Variants in ZNRF1 observed in about 807,000 individuals in gnomAD.
ZNRF1 encodes the protein zinc and ring finger 1.
ZNRF1 carries 3 observed loss-of-function variants against 18.4 expected under a neutral mutation model. That is an observed-to-expected ratio of 0.16 (90% CI 0.07 to 0.42). The LOEUF (loss-of-function observed/expected upper bound fraction) is 0.42, where lower values mean the gene tolerates loss of function less well. Ranked by LOEUF, ZNRF1 falls within the 10% of genes least tolerant of loss-of-function variation. The pLI is 0.99. For synonymous variants in ZNRF1, 157 were observed against 144.2 expected (o/e 1.09, Z -0.64); for missense variants, 310 against 329.8 (o/e 0.94, Z 0.47).
intron 1 of ZNRF1, among the ~76,000 whole-genome samples, chr16:75,088,883 G>A (rs2036104771): frequency 6.6e-6 from 1 of 152,186 alleles, no homozygotes; most frequent in Non-Finnish European, 1.5e-5. Flanking sequence ...AAGAGAGACT[G>A]TTGGTTTCCA....
chr16:75,080,662 A>G (rs2035998979), intron 1 of ZNRF1, among the ~76,000 whole-genome samples: 1 of 151,312 alleles, frequency 6.6e-6, no homozygotes, highest in Non-Finnish European at 1.5e-5. Context: ...CCCCACACAC[A>G]CTCCATAAAA....
intron 2 of ZNRF1, among the ~76,000 whole-genome samples, chr16:75,094,245 A>T (rs1399909032): frequency 1.3e-5 from 2 of 152,108 alleles, no homozygotes; most frequent in African/African-American, 4.8e-5. Context: ...GAAAATGCGG[A>T]TAGGACACCT....
intron 1 of ZNRF1, among the ~76,000 whole-genome samples, chr16:75,031,508 GTTTGT>G (rs1335796964): frequency 6.6e-6 from 1 of 151,660 alleles, no homozygotes; most frequent in Non-Finnish European, 1.5e-5. Context: ...TTGTTTGTTT[GTTTGT>G]TTTGTTTGTT....
chr16:75,026,488 A>T (rs2035225916), intron 1 of ZNRF1, among the ~76,000 whole-genome samples: 1 of 152,184 alleles, frequency 6.6e-6, no homozygotes. Context: ...TAGGAAAAGT[A>T]CTTGGAAAAA....
At chr16:75,096,062 G>A (rs1395164273) in intron 2 of ZNRF1, among the ~76,000 whole-genome samples, 3 of 60,216 alleles carry the variant, frequency 5.0e-5, no homozygotes, top group East Asian at 3.5e-4. Flanking sequence ...ATGTGTGCAC[G>A]TGTGTGTGTG....
At chr16:75,072,146 G>A (rs1457649879) in intron 1 of ZNRF1, among the ~76,000 whole-genome samples, 1 of 151,616 alleles carries the variant, frequency 6.6e-6, no homozygotes, top group Non-Finnish European at 1.5e-5. Context: ...TATGCAGTCA[G>A]ATTTTTTGTA....
At chr16:75,063,167 AACGT>A (rs1300699084) in intron 1 of ZNRF1, among the ~76,000 whole-genome samples, 1 of 152,164 alleles carries the variant, frequency 6.6e-6, no homozygotes, top group African/African-American at 2.4e-5. Flanking sequence ...CCTGGATGAG[AACGT>A]ACCTGTTGTC....
intron 1 of ZNRF1, among the ~76,000 whole-genome samples, chr16:75,086,237 C>T (rs1474080357): frequency 6.6e-6 from 1 of 152,100 alleles, no homozygotes; most frequent in Admixed American, 6.5e-5. Flanking sequence ...AATCTGGGCA[C>T]CCCATGGCCC....
At chr16:75,065,128 C>T (rs1233613868) in intron 1 of ZNRF1, among the ~76,000 whole-genome samples, 1 of 152,232 alleles carries the variant, frequency 6.6e-6, no homozygotes, top group Non-Finnish European at 1.5e-5. Context: ...AATCCCATTG[C>T]CTTGGCAATT....
intron 1 of ZNRF1, among the ~76,000 whole-genome samples, chr16:75,041,487 A>C (rs1013395397): frequency 3.3e-5 from 5 of 151,712 alleles, no homozygotes; most frequent in African/African-American, 1.2e-4. Flanking sequence ...ATGCCGCCAT[A>C]TCCGGCTAAT....
At chr16:75,001,075 A>T (rs755148881) in intron 1 of ZNRF1, among the ~76,000 whole-genome samples, 7 of 152,080 alleles carry the variant, frequency 4.6e-5, no homozygotes, top group Non-Finnish European at 7.4e-5. Context: ...GCCAAAAGGG[A>T]TGTGGGGGCC....
intron 1 of ZNRF1, among the ~76,000 whole-genome samples, chr16:75,010,711 G>GTTTTT (rs67210395): frequency 0.064 from 4,706 of 73,624 alleles, 440 homozygotes; most frequent in Middle Eastern, 0.16. Context: ...GTTTTTTTTT[G>GTTTTT]TTTTTTTGTT....
At chr16:75,021,014 T>TCGGTATTACAATTCTAC (rs1268662352) in intron 1 of ZNRF1, among the ~76,000 whole-genome samples, 4 of 152,208 alleles carry the variant, frequency 2.6e-5, no homozygotes. Context: ...TTGCTGTGGA[T>TCGGTATTACAATTCTAC]CGGTATTACA....
At chr16:75,102,872 C>T (rs968337440) in intron 2 of ZNRF1, among the ~76,000 whole-genome samples, 5 of 152,226 alleles carry the variant, frequency 3.3e-5, no homozygotes, top group East Asian at 3.8e-4. Context: ...TGCCCTCATC[C>T]GCACACGCAG....
intron 2 of ZNRF1, chr16:75,095,232 G>A (rs548656837): frequency 6.1e-6 from 1 of 162,814 alleles, no homozygotes; most frequent in African/African-American, 2.4e-5. Context: ...GGACCCGCAC[G>A]GCCCTCCCCT....
intron 1 of ZNRF1, among the ~76,000 whole-genome samples, chr16:75,010,739 T>C (rs2034989752): frequency 8.6e-6 from 1 of 116,446 alleles, no homozygotes; most frequent in Admixed American, 1.0e-4. Flanking sequence ...TTTTGAGGAG[T>C]CTCGCTCTGT....
intron 1 of ZNRF1, among the ~76,000 whole-genome samples, chr16:75,037,086 G>A (rs1280589412): frequency 6.6e-6 from 1 of 152,038 alleles, no homozygotes; most frequent in Non-Finnish European, 1.5e-5. Context: ...CTTACAGATG[G>A]GAATTGACAG....
intron 1 of ZNRF1, among the ~76,000 whole-genome samples, chr16:75,015,556 CAA>C (rs1423475534): frequency 6.6e-6 from 1 of 152,156 alleles, no homozygotes; most frequent in Non-Finnish European, 1.5e-5. Flanking sequence ...GCCTGGGCAA[CAA>C]GAGTGAAATT....
intron 1 of ZNRF1, among the ~76,000 whole-genome samples, chr16:75,049,618 G>A (rs147762150): frequency 5.8e-4 from 89 of 152,280 alleles, no homozygotes; most frequent in African/African-American, 2.0e-3. Flanking sequence ...GCAATATGGC[G>A]AAACTCCGTC....
Sources: allele counts gnomAD v4.1 joint callset (sites outside exome capture counted in the v4.1 genomes callset), GRCh38; gene constraint gnomAD v4.1.1; transcripts MANE v1.5; gene names NCBI Gene and HGNC (gene_info 2026-07-23, HGNC 2026-07-21).